The following ARHGAP42 variants were observed in gnomAD, a reference collection of about 807,000 sequenced individuals.
ARHGAP42 encodes the protein rho GTPase-activating protein 42.
In ARHGAP42, 63 loss-of-function variants were observed where a neutral mutation model predicts 125.0. The observed-to-expected ratio is 0.50, with a 90% CI of 0.41 to 0.62. ARHGAP42 has a LOEUF of 0.62. ARHGAP42 is among the 20% of genes least tolerant of loss of function. The probability of loss-of-function intolerance (pLI) is 0.00; values close to 1 mark genes in which losing one functional copy is unlikely to be tolerated. For missense variants in ARHGAP42, 766 were observed against 1,024.2 expected, an observed-to-expected ratio of 0.75 and a Z score of 3.44; for synonymous variants, 339 against 351.0, an observed-to-expected ratio of 0.97 and a Z score of 0.38.
rs1220690055 is a variant in ARHGAP42 at position 100,897,563 on chromosome 11, G to C, written c.385-15889G>C. 3.9e-5 allele frequency among the ~76,000 whole-genome samples: 6 copies of C among 152,114 alleles called. No homozygotes were observed. The South Asian group carries it at 6.2e-4, about 16-fold the overall frequency. ...CTTGAAGAGGTCCTTCACATCCCTTGTAAGTTGGATTCCTAGGTATTTTAT... is the reference window on the plus strand; with the variant it reads ...CTTGAAGAGGTCCTTCACATCCCTTCTAAGTTGGATTCCTAGGTATTTTAT... On this transcript the variant is annotated intron_variant, in intron 4 of 23. Transcript: ENST00000298815.
In ARHGAP42 at chr11:100,818,743, A is replaced by AT. The variant is rs535751340; in HGVS notation, c.312+23583dup. Reference sequence around the variant, plus strand: ...TATCTGATTCGAAGTGGTACGGTGTATTTTTTCTCTGTTTTTGTTTGTTTG... The same window carrying AT: ...TATCTGATTCGAAGTGGTACGGTGTATTTTTTTCTCTGTTTTTGTTTGTTTG... On this transcript the variant is annotated intron_variant, in intron 3 of 23. Transcript: ENST00000298815. Among the ~76,000 whole-genome samples the AT allele has an allele frequency of 2.6e-5, 4 of 151,756 alleles. No homozygotes were observed. The South Asian group carries it at 6.2e-4, about 24-fold the overall frequency.
chr11:100,789,523 C>G (rs1361215071), intron 2 of ARHGAP42, among the ~76,000 whole-genome samples: 1 of 152,218 alleles, frequency 6.6e-6, no homozygotes, highest in Non-Finnish European at 1.5e-5. Context: ...TGGGTGCAGT[C>G]AAGCCATGGG....
chr11:100,879,372 T>TG (rs1332666404), intron 4 of ARHGAP42, among the ~76,000 whole-genome samples: 1 of 152,218 alleles, frequency 6.6e-6, no homozygotes, highest in African/African-American at 2.4e-5. Flanking sequence ...CCGTCTGTGC[T>TG]TAACTGTCAA....
intron 4 of ARHGAP42, among the ~76,000 whole-genome samples, chr11:100,870,509 C>A (rs1416665175): frequency 6.6e-6 from 1 of 152,142 alleles, no homozygotes; most frequent in African/African-American, 2.4e-5. Flanking sequence ...CATTGCTATA[C>A]GCATTACTAT....
chr11:100,692,559 C>T (rs1054910072), intron 1 of ARHGAP42, among the ~76,000 whole-genome samples: 4 of 152,128 alleles, frequency 2.6e-5, no homozygotes, highest in Non-Finnish European at 5.9e-5. Flanking sequence ...TGAAGGCCTT[C>T]CTTCCATCAG....
At chr11:100,971,103 T>C (rs969208585) in intron 17 of ARHGAP42, among the ~76,000 whole-genome samples, 3 of 152,160 alleles carry the variant, frequency 2.0e-5, no homozygotes, top group African/African-American at 2.4e-5. Flanking sequence ...AGGGAGCCAG[T>C]TGTACCTCAA....
intron 17 of ARHGAP42, among the ~76,000 whole-genome samples, chr11:100,966,164 A>C (rs1858089014): frequency 6.6e-6 from 1 of 152,102 alleles, no homozygotes; most frequent in African/African-American, 2.4e-5. Context: ...GGTCAAACTA[A>C]CACTTAACTG....
chr11:100,945,768 C>G (rs1437926727), intron 10 of ARHGAP42, among the ~76,000 whole-genome samples: 3 of 152,010 alleles, frequency 2.0e-5, no homozygotes, highest in Non-Finnish European at 4.4e-5. Flanking sequence ...CTTTATTGTT[C>G]CATTTGTAGA....
chr11:100,776,200 A>G (rs1250529953), intron 2 of ARHGAP42, among the ~76,000 whole-genome samples: 1 of 152,096 alleles, frequency 6.6e-6, no homozygotes, highest in African/African-American at 2.4e-5. Flanking sequence ...AAACTGAACT[A>G]GTGCCAATAA....
At chr11:100,905,802 C>A (rs973340072) in intron 4 of ARHGAP42, among the ~76,000 whole-genome samples, 6 of 113,690 alleles carry the variant, frequency 5.3e-5, no homozygotes, top group Non-Finnish European at 1.1e-4. Flanking sequence ...CGTAGCAAAA[C>A]CCCGTCTCTA....
rs575852488 is a variant in ARHGAP42 at position 100,992,134 on chromosome 11, G to A, written c.*3333G>A. On this transcript the variant is annotated 3_prime_UTR_variant, in exon 24 of 24. Coordinates refer to ENST00000298815, the MANE Select transcript of ARHGAP42 (RefSeq NM_152432.4). ...GTTTAGAAGAGTCCCTCAGAGCTTT[G>A]CCTCAAGCAATTTCAAATTGTAGTG... 3 of 667,754 alleles carry A rather than the reference G, an allele frequency of 4.5e-6. No individual in the cohort carries two copies. The highest frequency in any genetic ancestry group is 5.5e-5 in the East Asian group (2 of 36,142). 41.4% of individuals were successfully genotyped at this position (667,754 alleles called of 1,614,324 possible).
chr11:100,828,018 C>A (rs1167235864), intron 3 of ARHGAP42, among the ~76,000 whole-genome samples: 4 of 152,152 alleles, frequency 2.6e-5, no homozygotes, highest in African/African-American at 9.7e-5. Flanking sequence ...ACAGTCTCAT[C>A]CCTGAGAGCA....
intron 3 of ARHGAP42, among the ~76,000 whole-genome samples, chr11:100,839,028 A>C (rs1162213219): frequency 2.0e-5 from 3 of 151,742 alleles, no homozygotes; most frequent in African/African-American, 4.8e-5. Flanking sequence ...TACTACTTCT[A>C]TGTATTATGT....
At position 100,974,552 on chromosome 11, in the gene ARHGAP42, G is replaced by T; in HGVS notation, c.1804G>T (p.Gly602Trp). Residue 602 changes from glycine to tryptophan, a missense_variant, in exon 19 of 24, where the codon GGG becomes TGG. Coordinates refer to ENST00000298815, the MANE Select transcript of ARHGAP42 (RefSeq NM_152432.4). ...RRTRAICLST[G>W]SRKPRGRYTP... Reference sequence around the variant, plus strand: ...GACACGAGCAATCTGCCTCTCTACAGGGTCTAGGAAGCCCAGAGGGAGGTA... The same window carrying T: ...GACACGAGCAATCTGCCTCTCTACATGGTCTAGGAAGCCCAGAGGGAGGTA... 6.4e-7 allele frequency: 1 copy of T among 1,551,108 alleles called. No individual in the cohort carries two copies. The highest frequency in any genetic ancestry group is 8.7e-7 in the Non-Finnish European group (1 of 1,146,650).
intron 1 of ARHGAP42, among the ~76,000 whole-genome samples, chr11:100,723,678 A>G (rs1157190452): frequency 6.6e-6 from 1 of 152,058 alleles, no homozygotes; most frequent in African/African-American, 2.4e-5. Context: ...ATTCTTTAGG[A>G]TCTTCAACAT....
intron 1 of ARHGAP42, among the ~76,000 whole-genome samples, chr11:100,719,083 T>C (rs879281086): frequency 2.0e-5 from 3 of 152,174 alleles, no homozygotes; most frequent in Non-Finnish European, 4.4e-5. Flanking sequence ...TGGGAAAATA[T>C]TGGAAAGAAC....
At chr11:100,896,068 C>A (rs1866350581) in intron 4 of ARHGAP42, among the ~76,000 whole-genome samples, 1 of 152,134 alleles carries the variant, frequency 6.6e-6, no homozygotes, top group Non-Finnish European at 1.5e-5. Flanking sequence ...GTTCAGTTCC[C>A]ACCTATGAGT....
At chr11:100,924,110 A>G (rs999351675) in intron 6 of ARHGAP42, among the ~76,000 whole-genome samples, 6 of 152,170 alleles carry the variant, frequency 3.9e-5, no homozygotes, top group African/African-American at 1.4e-4. Flanking sequence ...TGCATGTTGC[A>G]GAAATCTAGT....
At chr11:100,728,713 C>CATATATATATATAT (rs1861903204) in intron 1 of ARHGAP42, among the ~76,000 whole-genome samples, 1 of 95,308 alleles carries the variant, frequency 1.0e-5, no homozygotes, top group Non-Finnish European at 2.1e-5. Context: ...AATGACTTTG[C>CATATATATATATAT]GTATATATAT....
Sources: gnomAD v4.1 joint callset for allele counts (sites outside exome capture counted in the v4.1 genomes callset) on GRCh38, gnomAD v4.1.1 for gene constraint, MANE v1.5 for transcripts, NCBI Gene and HGNC (gene_info 2026-07-23, HGNC 2026-07-21) for gene names.